Variants in PHACTR1 observed in about 807,000 individuals in gnomAD.
PHACTR1 encodes phosphatase and actin regulator 1.
A neutral mutation model predicts 69.2 loss-of-function variants in PHACTR1; 16 were observed. The observed-to-expected ratio is 0.23, with a 90% CI of 0.16 to 0.35. PHACTR1 has a LOEUF of 0.35. Ranked by LOEUF, PHACTR1 falls within the 10% of genes least tolerant of loss-of-function variation. The pLI, the probability that PHACTR1 is intolerant of heterozygous loss-of-function variation, is 1.00. For synonymous variants in PHACTR1, 312 were observed against 284.5 expected (o/e 1.10, Z -0.97); for missense variants, 510 against 734.7 (o/e 0.69, Z 3.54).
intron 4 of PHACTR1, among the ~76,000 whole-genome samples, chr6:13,050,844 G>A (rs1805830192): frequency 6.6e-6 from 1 of 152,088 alleles, no homozygotes; most frequent in Non-Finnish European, 1.5e-5. Flanking sequence ...AAAAATGTTA[G>A]CCATTCTTGC....
intron 4 of PHACTR1, among the ~76,000 whole-genome samples, chr6:12,960,426 A>G (rs1432078076): frequency 6.6e-6 from 1 of 152,266 alleles, no homozygotes; most frequent in Non-Finnish European, 1.5e-5. Context: ...AATTAATTCA[A>G]TAACACTTGT....
intron 7 of PHACTR1, among the ~76,000 whole-genome samples, chr6:13,188,509 G>A (rs147095290): frequency 6.8e-4 from 104 of 152,304 alleles, no homozygotes; most frequent in Middle Eastern, 6.8e-3. Context: ...GACACCAAGC[G>A]TGATTAATGG....
intron 10 of PHACTR1, chr6:13,266,723 A>C (rs1776773412): frequency 1.3e-5 from 2 of 152,274 alleles, no homozygotes. Context: ...ACTTTTAAAC[A>C]ACCAGATCTC....
chr6:12,985,167 ACTTTGAAAAGTACTGTTTATAATTTCT>A (rs1795986187), intron 4 of PHACTR1, among the ~76,000 whole-genome samples: 1 of 152,206 alleles, frequency 6.6e-6, no homozygotes, highest in Admixed American at 6.5e-5. Context: ...TTTAAGATGC[ACTTTGAAAAGTACTGTTTATAATTTCT>A]CTATTTCACA....
chr6:13,236,865 A>T (rs940306429), intron 10 of PHACTR1, among the ~76,000 whole-genome samples: 1 of 152,154 alleles, frequency 6.6e-6, no homozygotes. Flanking sequence ...CCCCAAATGC[A>T]TGTGGGAAGA....
At chr6:13,203,686 AGAG>A (rs1765534341) in intron 7 of PHACTR1, among the ~76,000 whole-genome samples, 1 of 152,224 alleles carries the variant, frequency 6.6e-6, no homozygotes, top group Admixed American at 6.5e-5. Context: ...AAGACAAAAC[AGAG>A]GAGAATATTC....
At chr6:12,791,444 G>A (rs1561885778) in intron 4 of PHACTR1, among the ~76,000 whole-genome samples, 1 of 152,126 alleles carries the variant, frequency 6.6e-6, no homozygotes, top group Non-Finnish European at 1.5e-5. Flanking sequence ...TGAAACGACC[G>A]GAACAAAGCC....
intron 11 of PHACTR1, chr6:13,273,266 CTG>C (rs1016466891): frequency 1.6e-5 from 4 of 247,322 alleles, no homozygotes; most frequent in African/African-American, 2.2e-5. Context: ...AAAATGGAGA[CTG>C]TGATATGCAC....
At chr6:12,789,164 A>C (rs759284076) in intron 4 of PHACTR1, among the ~76,000 whole-genome samples, 1 of 152,176 alleles carries the variant, frequency 6.6e-6, no homozygotes, top group South Asian at 2.1e-4. Context: ...TTTTGCTGAG[A>C]TCACTAATGA....
At chr6:12,951,903 T>G (rs1417607925) in intron 4 of PHACTR1, among the ~76,000 whole-genome samples, 1 of 152,232 alleles carries the variant, frequency 6.6e-6, no homozygotes, top group Non-Finnish European at 1.5e-5. Context: ...AAACCTTTAG[T>G]ACATGCACTG....
chr6:12,761,568 G>A (rs1768020001), intron 4 of PHACTR1, among the ~76,000 whole-genome samples: 1 of 152,140 alleles, frequency 6.6e-6, no homozygotes, highest in Non-Finnish European at 1.5e-5. Context: ...CTTGATAACA[G>A]TCATCAAAAA....
intron 7 of PHACTR1, among the ~76,000 whole-genome samples, chr6:13,191,374 A>G (rs1033599764): frequency 1.3e-5 from 2 of 152,156 alleles, no homozygotes; most frequent in Non-Finnish European, 2.9e-5. Context: ...TAGAGACAGG[A>G]GGCACGGCTC....
At chr6:13,066,797 T>C (rs1808720522) in intron 5 of PHACTR1, among the ~76,000 whole-genome samples, 1 of 152,194 alleles carries the variant, frequency 6.6e-6, no homozygotes, top group Non-Finnish European at 1.5e-5. Context: ...CCATGGGGTT[T>C]CTTCCTATGG....
At chr6:13,059,976 A>C (rs4711908) in intron 5 of PHACTR1, among the ~76,000 whole-genome samples, 1 of 151,808 alleles carries the variant, frequency 6.6e-6, no homozygotes, top group Admixed American at 6.6e-5. Context: ...GGCCAAGGAC[A>C]GTCTTCTAGA....
chr6:12,734,355 C>T (rs888402804), intron 3 of PHACTR1, among the ~76,000 whole-genome samples: 5 of 152,248 alleles, frequency 3.3e-5, no homozygotes, highest in African/African-American at 1.2e-4. Context: ...TAATAATAGT[C>T]TTAACATAAT....
intron 5 of PHACTR1, among the ~76,000 whole-genome samples, chr6:13,085,875 G>A (rs771406482): frequency 6.6e-6 from 1 of 151,806 alleles, no homozygotes; most frequent in Non-Finnish European, 1.5e-5. Flanking sequence ...GTGAGATATA[G>A]CATAAAGCAG....
Position 13,099,942 on chromosome 6 carries a change from C to A in PHACTR1, c.415+46413C>A, listed in dbSNP as rs1814883952. Among the ~76,000 whole-genome samples, 3 of 152,246 alleles carry A rather than the reference C, an allele frequency of 2.0e-5. No individual in the cohort carries two copies. In the Middle Eastern group the frequency reaches 0.01, roughly 518 times the overall value. On this transcript the variant is annotated intron_variant, in intron 5 of 14. Coordinates refer to ENST00000332995, the MANE Select transcript of PHACTR1 (RefSeq NM_030948.6). The stretch of plus-strand genomic sequence containing the variant: ...AAGGGTTGTTGATTTAATGTCACAA[C>A]AAGGGCTAGTTTTAGTCTGCTTGAC...
At chr6:13,010,884 A>G (rs2127644432) in intron 4 of PHACTR1, among the ~76,000 whole-genome samples, 1 of 152,206 alleles carries the variant, frequency 6.6e-6, no homozygotes, top group Non-Finnish European at 1.5e-5. Flanking sequence ...CTGAGGCAGC[A>G]TTCAGGGTAC....
chr6:13,011,542 G>A (rs577411580), intron 4 of PHACTR1, among the ~76,000 whole-genome samples: 3 of 152,168 alleles, frequency 2.0e-5, no homozygotes, highest in Non-Finnish European at 4.4e-5. Flanking sequence ...TGTTTGGTAT[G>A]ATACAATCAC....
Sources: gnomAD v4.1 joint callset for allele counts (sites outside exome capture counted in the v4.1 genomes callset) on GRCh38, gnomAD v4.1.1 for gene constraint, MANE v1.5 for transcripts, NCBI Gene and HGNC (gene_info 2026-07-23, HGNC 2026-07-21) for gene names.